Variants in SIM2 observed in about 807,000 individuals in gnomAD.
SIM2 encodes single-minded homolog 2.
SIM2 carries 28 observed loss-of-function variants against 64.8 expected under a neutral mutation model. The ratio of observed to expected loss-of-function variants is 0.43; its 90% CI spans 0.32 to 0.59. The LOEUF (loss-of-function observed/expected upper bound fraction) is 0.59, where lower values mean the gene tolerates loss of function less well. Among genes scored for constraint, SIM2 ranks in the 20% least tolerant of loss-of-function variants. The pLI is 0.07. For synonymous variants in SIM2, 408 were observed against 391.1 expected (o/e 1.04, Z -0.51); for missense variants, 847 against 871.4 (o/e 0.97, Z 0.35).
chr21:36,719,718 G>A (rs771178241), intron 3 of SIM2, 103 bp from the exon 4 acceptor site: 118 of 724,280 alleles, frequency 1.6e-4, no homozygotes, highest in Non-Finnish European at 2.8e-4. Context: ...AGAGATCAAA[G>A]TTCTGTTCCT....
At position 36,726,717 on chromosome 21, in the gene SIM2, GA is replaced by G. The variant is rs1161128767; in HGVS notation, c.743+403del. 1.3e-5 allele frequency among the ~76,000 whole-genome samples: 2 copies of G among 152,170 alleles called. No individual in the cohort carries two copies. Among genetic ancestry groups the G allele is most frequent in the African/African-American group, 4.8e-5 (2 of 41,442 alleles). Reference sequence around the variant, plus strand: ...TCCAAGGAGGACTTTAGAACAAACAGAAAATTTCCACCCTGTGTGCGGTGTG... The same window carrying G: ...TCCAAGGAGGACTTTAGAACAAACAGAAATTTCCACCCTGTGTGCGGTGTG... On this transcript the variant is annotated intron_variant, in intron 6 of 10. Coordinates refer to ENST00000290399, the MANE Select transcript of SIM2 (RefSeq NM_005069.6). The surrounding 1 kb of genome is among the most constrained non-coding windows in gnomAD (Gnocchi z 4.5).
chr21:36,721,079 G>A (rs1387291744), intron 4 of SIM2, among the ~76,000 whole-genome samples: 1 of 152,214 alleles, frequency 6.6e-6, no homozygotes, highest in Non-Finnish European at 1.5e-5. Context: ...AGCACACACA[G>A]TTGTAAAATC....
Position 36,743,515 on chromosome 21 carries a change from A to C in SIM2, c.1127A>C (p.Lys376Thr). Residue 376 changes from lysine (K) to threonine (T), a missense_variant, in exon 9 of 11, where the codon AAG becomes ACG. Physicochemically the swap from Lys to Thr is moderately conservative, Grantham distance 78. Coordinates refer to ENST00000290399, the MANE Select transcript of SIM2 (RefSeq NM_005069.6). ...AAATTAGTGAAACCCAAAAATACCA[A>C]GATGAAGACAAAGCTGAGAACAAAC... is the stretch of plus-strand genomic sequence containing the variant. The part of the protein sequence containing the change: ...TRKLVKPKNT[K>T]MKTKLRTNPY... 6.2e-7 allele frequency: 1 copy of C among 1,614,112 alleles called. No homozygotes were observed. The highest frequency in any genetic ancestry group is 8.5e-7 in the Non-Finnish European group (1 of 1,180,032).
chr21:36,703,784 G>A (rs1568922705), intron 1 of SIM2, among the ~76,000 whole-genome samples: 3 of 152,258 alleles, frequency 2.0e-5, no homozygotes, highest in Non-Finnish European at 4.4e-5. Flanking sequence ...TCTGGAGATA[G>A]GGGCTTTGGA....
At chr21:36,724,356 GGA>G (rs1204998643) in intron 5 of SIM2, among the ~76,000 whole-genome samples, 2 of 152,176 alleles carry the variant, frequency 1.3e-5, no homozygotes, top group Non-Finnish European at 2.9e-5. Context: ...ACAGCTCACT[GGA>G]GCCTCAAACT....
At chr21:36,708,116 C>T (rs930723754) in intron 1 of SIM2, among the ~76,000 whole-genome samples, 1 of 152,196 alleles carries the variant, frequency 6.6e-6, no homozygotes, top group East Asian at 1.9e-4. Context: ...GGCGGTGCAC[C>T]GACCCTCGCC....
chr21:36,739,518 C>T (rs1017911171), intron 7 of SIM2, among the ~76,000 whole-genome samples: 29 of 152,078 alleles, frequency 1.9e-4, no homozygotes, highest in Non-Finnish European at 7.4e-5. Context: ...TTTTCCCTAC[C>T]GTTGAAGAGT....
At chr21:36,737,987 A>AT (rs2089097452) in intron 7 of SIM2, among the ~76,000 whole-genome samples, 1 of 149,822 alleles carries the variant, frequency 6.7e-6, no homozygotes, top group Non-Finnish European at 1.5e-5. Flanking sequence ...AAAAAAGCAA[A>AT]AAAAAAGCAA....
intron 1 of SIM2, 107 bp from the exon 2 acceptor site, chr21:36,709,061 C>T: frequency 1.1e-6 from 1 of 938,058 alleles, no homozygotes; most frequent in Non-Finnish European, 1.6e-6. Context: ...ACGCGCGGGA[C>T]TCGTGGGGAG....
chr21:36,707,914 C>A (rs914273550), intron 1 of SIM2, among the ~76,000 whole-genome samples: 25 of 128,456 alleles, frequency 1.9e-4, no homozygotes, highest in African/African-American at 6.8e-4. Context: ...TCAGTGCTCG[C>A]GGCACCACCG....
At chr21:36,715,777 T>C (rs1165292835) in intron 3 of SIM2, among the ~76,000 whole-genome samples, 2 of 152,244 alleles carry the variant, frequency 1.3e-5, no homozygotes, top group African/African-American at 4.8e-5. Flanking sequence ...ATCCAAATTC[T>C]TTATTTGAGG....
rs1227519961 is a variant in SIM2 at position 36,745,862 on chromosome 21, C to T, written c.1576+726C>T. The T allele has an allele frequency of 1.5e-6, 2 of 1,303,040 alleles. No homozygotes were observed. The highest frequency in any genetic ancestry group is 2.0e-6 in the Non-Finnish European group (2 of 988,194). The allele number at this position is 1,303,040 out of a possible 1,614,324, so 80.7% of individuals were successfully genotyped here. On this transcript the variant is annotated intron_variant, in intron 10 of 10. Coordinates refer to ENST00000290399, the MANE Select transcript of SIM2 (RefSeq NM_005069.6). This position sits in a 1 kb window ranked among gnomAD's most constrained non-coding sequence, Gnocchi z 4.8. ...ACGCAGACTGACTCCTGTTTGCTCG[C>T]TGGACCAACCCCAGGCAGAAGGTGG... is the stretch of plus-strand genomic sequence containing the variant.
chr21:36,709,390 C>G (rs1428290487), intron 2 of SIM2, 140 bp downstream of exon 2: 1 of 749,820 alleles, frequency 1.3e-6, no homozygotes, highest in East Asian at 2.7e-5. Context: ...GGGTGGTCCC[C>G]ACTGCGGAGG....
chr21:36,736,731 T>TCCTTC (rs113175049), intron 7 of SIM2, among the ~76,000 whole-genome samples: 91,683 of 144,098 alleles, frequency 0.64, 28,692 homozygotes, highest in East Asian at 0.74. Flanking sequence ...CTTCCTTCCC[T>TCCTTC]CCTTCCCTTC....
At chr21:36,737,625 T>A (rs1394238422) in intron 7 of SIM2, among the ~76,000 whole-genome samples, 13 of 152,188 alleles carry the variant, frequency 8.5e-5, no homozygotes, top group Admixed American at 8.5e-4. Context: ...CACCCGGCTC[T>A]CTAGGTAGGC....
Position 36,699,772 on chromosome 21 carries a change from C to T in SIM2, c.26C>T (p.Ala9Val). 1.2e-6 allele frequency: 2 copies of T among 1,612,924 alleles called. No homozygotes were observed. Among genetic ancestry groups the T allele is most frequent in the Non-Finnish European group, 1.7e-6 (2 of 1,179,368 alleles). Residue 9 changes from alanine (A) to valine (V), a missense_variant, in exon 1 of 11, where the codon GCC becomes GTC. By Grantham distance (64) the Ala-to-Val change is moderately conservative (BLOSUM62 0). Transcript: ENST00000290399. This position sits in a 1 kb window ranked among gnomAD's most constrained non-coding sequence, Gnocchi z 5.6. MKEKSKNA[A>V]KTRREKENGE... ...ATGAAGGAGAAGTCCAAGAATGCGG[C>T]CAAGACCAGGAGGGAGAAGGAAAAT...
chr21:36,736,117 A>G lies in SIM2; in HGVS notation c.850+4966A>G, dbSNP rs186676399. Among the ~76,000 whole-genome samples, 263 of 152,266 alleles carry G rather than the reference A, an allele frequency of 1.7e-3. 2 individuals are homozygous for G. Among genetic ancestry groups the G allele is most frequent in the African/African-American group, 6.0e-3 (249 of 41,574 alleles). ...GCCAGCTTCCCTTCCATCTGCCACA[A>G]CCGAGTGTAGCTGGAGGTAGCCAGC... On this transcript the variant is annotated intron_variant, in intron 7 of 10. Transcript: ENST00000290399.
chr21:36,736,950 A>G (rs1027984130), intron 7 of SIM2, among the ~76,000 whole-genome samples: 3 of 146,284 alleles, frequency 2.1e-5, no homozygotes, highest in Non-Finnish European at 4.5e-5. Flanking sequence ...TTTTAGAGAC[A>G]GGGTCTCACT....
In SIM2 at chr21:36,748,060, G is replaced by A; in HGVS notation, c.1972G>A (p.Gly658Ser). The change falls in exon 11 of 11, where the codon GGC (glycine) becomes AGC (serine). Residue 658 changes from glycine to serine, a missense_variant. Coordinates refer to ENST00000290399, the MANE Select transcript of SIM2 (RefSeq NM_005069.6). The stretch of plus-strand genomic sequence containing the variant: ...CGGCGCGCCCCTGCCGCACTACCTG[G>A]GCGCCTCGGTCATCATCACCAACGG... ...PPGAPLPHYL[G>S]ASVIITNGR 1.7e-6 allele frequency: 2 copies of A among 1,204,028 alleles called. No individual in the cohort carries two copies. The highest frequency in any genetic ancestry group is 2.1e-6 in the Non-Finnish European group (2 of 970,104). 74.6% of individuals were successfully genotyped at this position (1,204,028 alleles called of 1,614,324 possible). A position where few individuals can be genotyped will look rare whatever the true frequency, so the allele number is the denominator to read the frequency against.
Sources: allele counts gnomAD v4.1 joint callset (sites outside exome capture counted in the v4.1 genomes callset), GRCh38; gene constraint gnomAD v4.1.1; non-coding constraint Gnocchi (gnomAD v3.1); transcripts MANE v1.5; gene names NCBI Gene and HGNC (gene_info 2026-07-23, HGNC 2026-07-21).